The following COL19A1 variants were observed in gnomAD, a reference collection of about 807,000 sequenced individuals.
The protein encoded by COL19A1 is collagen type XIX alpha 1 chain.
In COL19A1, 159 loss-of-function variants were observed where a neutral mutation model predicts 190.2. The observed-to-expected ratio is 0.84, with a 90% confidence interval of 0.73 to 0.95. The LOEUF (loss-of-function observed/expected upper bound fraction) is 0.95, where lower values mean the gene tolerates loss of function less well. Among genes scored for constraint, COL19A1 ranks in the 40% least tolerant of loss-of-function variants. COL19A1 has a pLI of 0.00. For synonymous variants in COL19A1, 509 were observed against 458.9 expected (o/e 1.11, Z -1.39); for missense variants, 1,418 against 1,431.9 (o/e 0.99, Z 0.16).
At chr6:70,005,734 G>C (rs1025423460) in intron 11 of COL19A1, among the ~76,000 whole-genome samples, 2 of 152,190 alleles carry the variant, frequency 1.3e-5, no homozygotes, top group African/African-American at 4.8e-5. Context: ...GGGCTGCCCA[G>C]ATTCCTCAGA....
At chr6:69,978,343 G>A (rs922288429) in intron 11 of COL19A1, among the ~76,000 whole-genome samples, 3 of 151,896 alleles carry the variant, frequency 2.0e-5, no homozygotes, top group Admixed American at 1.3e-4. Flanking sequence ...TTTTTTATAC[G>A]TTCATGGAAC....
chr6:70,089,807 G>A lies in COL19A1; in HGVS notation c.1225-12362G>A, dbSNP rs560086293. 3.5e-4 allele frequency among the ~76,000 whole-genome samples: 53 copies of A among 152,188 alleles called. 3 individuals are homozygous for A. In the South Asian group the frequency reaches 0.011, roughly 32 times the overall value. Reference sequence around the variant, plus strand: ...AGTCTTGTAGGACTACTTACACAATGCAGCTTTCTCTGTTTTCAAAACTAT... The same window carrying A: ...AGTCTTGTAGGACTACTTACACAATACAGCTTTCTCTGTTTTCAAAACTAT... On this transcript the variant is annotated intron_variant, in intron 15 of 50. Coordinates refer to ENST00000620364, the MANE Select transcript of COL19A1 (RefSeq NM_001858.6).
chr6:70,140,901 G>C, intron 19 of COL19A1, 53 bp from the exon 20 acceptor site: 1 of 1,576,972 alleles, frequency 6.3e-7, no homozygotes, highest in Non-Finnish European at 8.7e-7. Context: ...ACCCCGGTTT[G>C]GAGAGTTTAT....
intron 31 of COL19A1, 63 bp downstream of exon 31, chr6:70,151,501 T>C: frequency 6.5e-7 from 1 of 1,537,658 alleles, no homozygotes. Context: ...AAGAAAAATA[T>C]TTAGCAGAAA....
chr6:69,869,814 G>A (rs139951976), intron 1 of COL19A1, among the ~76,000 whole-genome samples: 5 of 152,362 alleles, frequency 3.3e-5, no homozygotes, highest in Admixed American at 2.0e-4. Flanking sequence ...TAGGTTAAGT[G>A]TGCTCAAAGG....
intron 16 of COL19A1, among the ~76,000 whole-genome samples, chr6:70,111,138 T>C (rs191158972): frequency 6.6e-6 from 1 of 152,312 alleles, no homozygotes. Flanking sequence ...ATACTGTATG[T>C]AATTTTACTG....
At chr6:69,956,745 A>G (rs1774445498) in intron 9 of COL19A1, among the ~76,000 whole-genome samples, 1 of 152,066 alleles carries the variant, frequency 6.6e-6, no homozygotes, top group Non-Finnish European at 1.5e-5. Context: ...ATTTCATGCA[A>G]TATTCAACTT....
intron 11 of COL19A1, among the ~76,000 whole-genome samples, chr6:69,989,290 C>T (rs903695955): frequency 1.3e-5 from 2 of 152,298 alleles, no homozygotes; most frequent in African/African-American, 2.4e-5. Context: ...CTAACTTGCC[C>T]TTCGTGGTTT....
intron 34 of COL19A1, among the ~76,000 whole-genome samples, chr6:70,156,946 A>G (rs1787475887): frequency 1.3e-5 from 2 of 152,128 alleles, no homozygotes; most frequent in African/African-American, 4.8e-5. Context: ...CACAAAGTTA[A>G]TATGTCAGTT....
chr6:70,162,049 C>A lies in COL19A1; in HGVS notation c.2346+96C>A. On this transcript the variant is annotated intron_variant, in intron 35 of 50. Coordinates refer to ENST00000620364, the MANE Select transcript of COL19A1 (RefSeq NM_001858.6). The stretch of plus-strand genomic sequence containing the variant: ...CTTCATTGCCTTTTGTTCTCTGTGC[C>A]TCTATGTAGATTGTCCAGATATTGC... 8 of 1,135,214 alleles carry A rather than the reference C, an allele frequency of 7.0e-6. No homozygotes were observed. In the South Asian group the frequency reaches 1.4e-4, roughly 20 times the overall value. The allele number at this position is 1,135,214 out of a possible 1,614,324, so 70.3% of individuals were successfully genotyped here.
At chr6:69,876,863 A>G (rs1768160975) in intron 1 of COL19A1, among the ~76,000 whole-genome samples, 1 of 152,224 alleles carries the variant, frequency 6.6e-6, no homozygotes, top group South Asian at 2.1e-4. Context: ...GATTAGGACT[A>G]TATCTAGATG....
intron 4 of COL19A1, among the ~76,000 whole-genome samples, chr6:69,918,779 A>T (rs1771493042): frequency 6.6e-6 from 1 of 152,186 alleles, no homozygotes; most frequent in East Asian, 1.9e-4. Flanking sequence ...ATGGGGGATA[A>T]TAAAGGAAAG....
At chr6:69,999,992 A>G (rs181002341) in intron 11 of COL19A1, among the ~76,000 whole-genome samples, 1 of 151,620 alleles carries the variant, frequency 6.6e-6, no homozygotes, top group Non-Finnish European at 1.5e-5. Flanking sequence ...CTACTGACAC[A>G]TCCTTTAAGT....
At position 69,936,923 on chromosome 6, in the gene COL19A1, T is replaced by G; in HGVS notation, c.873+13T>G. 1 of 1,612,184 alleles carries G rather than the reference T, an allele frequency of 6.2e-7. No homozygotes were observed. The highest frequency in any genetic ancestry group is 8.5e-7 in the Non-Finnish European group (1 of 1,178,694). On this transcript the variant is annotated intron_variant, in intron 8 of 50. Coordinates refer to ENST00000620364, the MANE Select transcript of COL19A1 (RefSeq NM_001858.6). ...CATTCCAAACAAGGTATGCTAGTTT[T>G]AATTGGTGCACACTGAAAGCCACTC...
intron 1 of COL19A1, among the ~76,000 whole-genome samples, chr6:69,878,287 C>G (rs1768270494): frequency 6.6e-6 from 1 of 151,782 alleles, no homozygotes; most frequent in South Asian, 2.1e-4. Context: ...AATCTCAGCT[C>G]ACTGCAACCT....
At position 69,901,212 on chromosome 6, in the gene COL19A1, T is replaced by C. The variant is rs552402042; in HGVS notation, c.266+874T>C. ...AATATGTATGTATGTTTTCCCTTCC[T>C]GGGCAGTAGCCTAATATTTAAGACA... On this transcript the variant is annotated intron_variant, in intron 4 of 50. Coordinates refer to ENST00000620364, the MANE Select transcript of COL19A1 (RefSeq NM_001858.6). Among the ~76,000 whole-genome samples the C allele has an allele frequency of 8.5e-5, 13 of 152,376 alleles. No homozygotes were observed. The East Asian group carries it at 2.5e-3, about 29-fold the overall frequency.
intron 17 of COL19A1, among the ~76,000 whole-genome samples, chr6:70,127,027 T>C (rs1785243344): frequency 6.6e-6 from 1 of 152,226 alleles, no homozygotes; most frequent in Non-Finnish European, 1.5e-5. Context: ...CAACAGATAT[T>C]TATTGAATGC....
At position 70,199,595 on chromosome 6, in the gene COL19A1, T is replaced by C. The variant is rs1365902377; in HGVS notation, c.3095-13T>C. The stretch of plus-strand genomic sequence containing the variant: ...TGTTCTATGATATATTATTTTTTCT[T>C]CTATACATGAAGAGAGGATGGCTGT... On this transcript the variant is annotated splice_polypyrimidine_tract_variant and intron_variant, in intron 48 of 50. Transcript: ENST00000620364. The C allele has an allele frequency of 6.7e-7, 1 of 1,485,102 alleles. No individual in the cohort carries two copies. The highest frequency in any genetic ancestry group is 9.0e-7 in the Non-Finnish European group (1 of 1,110,928). The allele number at this position is 1,485,102 out of a possible 1,614,324, so 92.0% of individuals were successfully genotyped here. A position where few individuals can be genotyped will look rare whatever the true frequency, so the allele number is the denominator to read the frequency against.
chr6:70,040,462 AG>A (rs1779581834), intron 14 of COL19A1, among the ~76,000 whole-genome samples: 1 of 152,224 alleles, frequency 6.6e-6, no homozygotes, highest in African/African-American at 2.4e-5. Context: ...GCCAGTGACC[AG>A]TGCTTCCTCA....
Sources: allele counts gnomAD v4.1 joint callset (sites outside exome capture counted in the v4.1 genomes callset), GRCh38; gene constraint gnomAD v4.1.1; transcripts MANE v1.5; gene names NCBI Gene and HGNC (gene_info 2026-07-23, HGNC 2026-07-21).